MTA3: variants seen among roughly 807,000 people sequenced by gnomAD.
The protein encoded by MTA3 is metastasis associated 1 family member 3.
Under a neutral mutation model 83.5 loss-of-function variants are expected in MTA3, and 34 were observed. The observed-to-expected ratio is 0.41, with a 90% CI of 0.31 to 0.54. MTA3 has a LOEUF of 0.54. Ranked by LOEUF, MTA3 falls within the 20% of genes least tolerant of loss-of-function variation. The pLI, the probability that MTA3 is intolerant of heterozygous loss-of-function variation, is 0.33. For synonymous variants in MTA3, 303 were observed against 252.7 expected (o/e 1.20, Z -1.89); for missense variants, 761 against 726.4 (o/e 1.05, Z -0.55).
intron 14 of MTA3, among the ~76,000 whole-genome samples, chr2:42,713,905 A>G (rs576920841): frequency 3.2e-4 from 48 of 152,340 alleles, no homozygotes; most frequent in African/African-American, 1.1e-3. Flanking sequence ...ATACTGATGT[A>G]TAAAATGGGA....
At chr2:42,557,915 C>G (rs935501009) in intron 2 of MTA3, among the ~76,000 whole-genome samples, 1 of 152,108 alleles carries the variant, frequency 6.6e-6, no homozygotes, top group African/African-American at 2.4e-5. Context: ...GAGTCGTCTA[C>G]ACCATTGGGT....
At chr2:42,566,387 G>A (rs190667542), upstream of MTA3, among the ~76,000 whole-genome samples, 1 of 152,260 alleles carries the variant, frequency 6.6e-6, no homozygotes, top group Non-Finnish European at 1.5e-5. Flanking sequence ...CGATTTGTTG[G>A]TATTTATTCT....
rs1407305911 is a variant in MTA3, at chr2:42,709,017, C to T, written c.1446C>T (p.Val482=). The stretch of plus-strand genomic sequence containing the variant: ...ATTTCACAAAATTTGCTCGTCAGGT[C>T]TGCAAAAATACCCTCCGGCTGCGGC... The part of the protein sequence containing the change: ...TTYFTKFARQ[V]CKNTLRLRQA... Residue 482 remains valine (V), a synonymous_variant, in exon 14 of 17, where the codon GTC becomes GTT. Transcript: ENST00000405094. The T allele has an allele frequency of 6.2e-7, 1 of 1,613,904 alleles. No homozygotes were observed. The highest frequency in any genetic ancestry group is 8.5e-7 in the Non-Finnish European group (1 of 1,179,888).
intron 2 of MTA3, among the ~76,000 whole-genome samples, chr2:42,575,808 T>C (rs1195958577): frequency 3.9e-5 from 6 of 152,212 alleles, no homozygotes; most frequent in Non-Finnish European, 2.9e-5. Context: ...GAACATAGCT[T>C]ATTTCACACT....
At chr2:42,496,816 G>A (rs192400269) in intron 2 of MTA3, among the ~76,000 whole-genome samples, 62 of 152,194 alleles carry the variant, frequency 4.1e-4, no homozygotes, top group Admixed American at 9.8e-4. Flanking sequence ...TCATCTCTTT[G>A]CACTCCAGTT....
chr2:42,670,142 C>T (rs960740254), intron 8 of MTA3, among the ~76,000 whole-genome samples: 1 of 152,050 alleles, frequency 6.6e-6, no homozygotes, highest in Non-Finnish European at 1.5e-5. Context: ...GCCTGTAATC[C>T]CAGCGACTTG....
intron 2 of MTA3, among the ~76,000 whole-genome samples, chr2:42,559,734 G>C (rs1314740167): frequency 6.7e-6 from 1 of 150,148 alleles, no homozygotes; most frequent in African/African-American, 2.5e-5. Flanking sequence ...AAATTAGCCA[G>C]GCGTGGTAGC....
rs1667228712 is a variant in MTA3, at chr2:42,719,061, C to T, written c.1599C>T (p.Ile533=). The change falls in exon 15 of 17, where the codon ATC becomes ATT. Residue 533 remains isoleucine, a synonymous_variant. Transcript: ENST00000405094. ...SKSTRKPLAC[I]IGYLEIHPAK... is the part of the protein sequence containing the mutation. ...GCACTAGGAAGCCTTTGGCATGTATCATTGGGTATTTAGGTGGGTATTTTC... is the reference window on the plus strand; with the variant it reads ...GCACTAGGAAGCCTTTGGCATGTATTATTGGGTATTTAGGTGGGTATTTTC... The T allele has an allele frequency of 6.5e-7, 1 of 1,549,400 alleles. No individual in the cohort carries two copies. The highest frequency in any genetic ancestry group is 2.0e-5 in the Admixed American group (1 of 50,986).
chr2:42,509,855 G>A (rs1349825932), intron 2 of MTA3, among the ~76,000 whole-genome samples: 1 of 152,124 alleles, frequency 6.6e-6, no homozygotes, highest in South Asian at 2.1e-4. Flanking sequence ...TCTGAGTGCT[G>A]AACTGGCTAT....
At chr2:42,713,067 G>A (rs1330802679) in intron 14 of MTA3, among the ~76,000 whole-genome samples, 1 of 152,198 alleles carries the variant, frequency 6.6e-6, no homozygotes, top group African/African-American at 2.4e-5. Context: ...TTAAATAGAA[G>A]TAGGTTTACT....
At chr2:42,708,824 G>C (rs1558606210) in intron 13 of MTA3, 50 bp from the exon 14 acceptor site, 1 of 1,600,058 alleles carries the variant, frequency 6.2e-7, no homozygotes. Context: ...ACAGTAACGT[G>C]TTTGGGCAAG....
At position 42,644,226 on chromosome 2, in the gene MTA3, C is replaced by T. The variant is rs748935909; in HGVS notation, c.481C>T (p.Pro161Ser). 9 of 1,609,078 alleles carry T rather than the reference C, an allele frequency of 5.6e-6. No homozygotes were observed. Among genetic ancestry groups the T allele is most frequent in the Non-Finnish European group, 6.8e-6 (8 of 1,177,770 alleles). The change falls in exon 6 of 17, where the codon CCA becomes TCA. Residue 161 changes from proline (P) to serine (S), a missense_variant. Transcript: ENST00000405094. ...GGGACCTAGATATCAAGCAGACATT[C>T]CAGAAATGCTGTTAGAAGGTACGTT... is the stretch of plus-strand genomic sequence containing the variant. Reference protein sequence around the residue: ...RVGPRYQADIPEMLLEGESDE... With the variant: ...RVGPRYQADISEMLLEGESDE...
At chr2:42,500,293 G>A (rs1674337415) in intron 2 of MTA3, among the ~76,000 whole-genome samples, 1 of 152,076 alleles carries the variant, frequency 6.6e-6, no homozygotes, top group Non-Finnish European at 1.5e-5. Context: ...CAGCTACTCG[G>A]GAGGCTAAGG....
intron 16 of MTA3, among the ~76,000 whole-genome samples, chr2:42,741,908 G>A (rs944560699): frequency 1.3e-5 from 2 of 152,160 alleles, no homozygotes; most frequent in Admixed American, 6.5e-5. Flanking sequence ...GAAAAATGGT[G>A]TCAATAGACT....
At chr2:42,716,108 A>G (rs903709460) in intron 14 of MTA3, among the ~76,000 whole-genome samples, 5 of 152,206 alleles carry the variant, frequency 3.3e-5, no homozygotes, top group African/African-American at 7.2e-5. Context: ...TTCTGCCTGT[A>G]TCTTCACTAT....
chr2:42,754,621 C>T lies in MTA3; in HGVS notation c.*1222C>T, dbSNP rs758387247. On this transcript the variant is annotated 3_prime_UTR_variant, in exon 17 of 17. Coordinates refer to ENST00000405094, the MANE Select transcript of MTA3 (RefSeq NM_001330442.2). ...ATGTGAGGCTGGCAACTCCCCTGCC[C>T]TCTGTTTGCAGGCACAGGGTCACAG... is the stretch of plus-strand genomic sequence containing the variant. 5.5e-4 allele frequency: 540 copies of T among 985,386 alleles called. No individual in the cohort carries two copies. Among genetic ancestry groups the T allele is most frequent in the Non-Finnish European group, 6.2e-4 (516 of 829,984 alleles). The allele number at this position is 985,386 out of a possible 1,614,324, so 61.0% of individuals were successfully genotyped here.
At chr2:42,640,908 G>A (rs1252670450) in intron 5 of MTA3, among the ~76,000 whole-genome samples, 2 of 151,874 alleles carry the variant, frequency 1.3e-5, no homozygotes, top group African/African-American at 2.4e-5. Flanking sequence ...TTACATATAC[G>A]TATGTTTTAG....
intron 14 of MTA3, among the ~76,000 whole-genome samples, chr2:42,711,783 A>AGTGTGTGTGTGTGTGTGT (rs763894802): frequency 4.9e-4 from 72 of 147,740 alleles, no homozygotes; most frequent in African/African-American, 1.6e-3. Flanking sequence ...AGAGAGAGAG[A>AGTGTGTGTGTGTGTGTGT]GTGTGTGTGT....
intron 9 of MTA3, among the ~76,000 whole-genome samples, chr2:42,686,988 C>G (rs574843163): frequency 6.6e-6 from 1 of 151,044 alleles, no homozygotes; most frequent in East Asian, 2.0e-4. Context: ...TTAGCTGGGC[C>G]TGGTGGCACA....
Sources: allele counts gnomAD v4.1 joint callset (sites outside exome capture counted in the v4.1 genomes callset), GRCh38; gene constraint gnomAD v4.1.1; transcripts MANE v1.5; gene names NCBI Gene and HGNC (gene_info 2026-07-23, HGNC 2026-07-21).